CTDSPL2: variants seen among roughly 807,000 people sequenced by gnomAD.
CTDSPL2 encodes the protein CTD small phosphatase-like protein 2.
A neutral mutation model predicts 60.0 loss-of-function variants in CTDSPL2; 5 were observed. That is an observed-to-expected ratio of 0.08 (90% CI 0.04 to 0.18). The LOEUF (loss-of-function observed/expected upper bound fraction) is 0.18, where lower values mean the gene tolerates loss of function less well. CTDSPL2 is among the 10% of genes least tolerant of loss of function. CTDSPL2 has a pLI of 1.00. For synonymous variants in CTDSPL2, 186 were observed against 189.3 expected (o/e 0.98, Z 0.14); for missense variants, 370 against 548.8 (o/e 0.67, Z 3.26).
chr15:44,431,122 C>A (rs1487883166), intron 1 of CTDSPL2, among the ~76,000 whole-genome samples: 1 of 150,642 alleles, frequency 6.6e-6, no homozygotes, highest in Admixed American at 6.6e-5. Flanking sequence ...GCATCTGGCC[C>A]ACTTTTTTTT....
rs2079967391 is a variant in CTDSPL2, at chr15:44,435,745, T to C, written c.-25+7973T>C. 1.3e-5 allele frequency among the ~76,000 whole-genome samples: 2 copies of C among 151,732 alleles called. 1 individual carries two copies. The highest frequency in any genetic ancestry group is 4.2e-4 in the South Asian group (2 of 4,812). On this transcript the variant is annotated intron_variant, in intron 1 of 12. Transcript: ENST00000260327. ...CCTCAGCCTCTTGAGTAGCTGGGAT[T>C]ACAGGTGTGCACCACCACGCCTGGC...
chr15:44,444,735 T>C (rs1023686154), intron 1 of CTDSPL2, among the ~76,000 whole-genome samples: 8 of 151,324 alleles, frequency 5.3e-5, no homozygotes, highest in African/African-American at 1.9e-4. Flanking sequence ...TAAGTAGTTT[T>C]TTTTTTTTTT....
chr15:44,501,415 G>A (rs886889292), intron 8 of CTDSPL2, among the ~76,000 whole-genome samples: 23 of 151,824 alleles, frequency 1.5e-4, no homozygotes, highest in African/African-American at 5.3e-4. Context: ...TTTCATGAGC[G>A]TTTCTCTTCA....
chr15:44,499,634 G>T (rs2081356239), intron 7 of CTDSPL2, 93 bp from the exon 8 acceptor site: 1 of 699,506 alleles, frequency 1.4e-6, no homozygotes, highest in Non-Finnish European at 2.4e-6. Context: ...CATATGAATG[G>T]GTGCTTTAGT....
At chr15:44,514,689 T>C (rs2081620398) in intron 9 of CTDSPL2, 29 bp downstream of exon 9, 2 of 1,553,206 alleles carry the variant, frequency 1.3e-6, no homozygotes, top group South Asian at 1.1e-5. Context: ...ATTACATATG[T>C]ATTTTTATTT....
intron 5 of CTDSPL2, among the ~76,000 whole-genome samples, chr15:44,493,989 TTAATACA>T (rs995968671): frequency 6.6e-6 from 1 of 152,160 alleles, no homozygotes; most frequent in African/African-American, 2.4e-5. Flanking sequence ...TCAAAAGGTG[TTAATACA>T]TGATAATTGC....
chr15:44,462,640 A>G (rs1595721794), intron 2 of CTDSPL2, among the ~76,000 whole-genome samples: 1 of 150,102 alleles, frequency 6.7e-6, no homozygotes, highest in Admixed American at 6.6e-5. Flanking sequence ...CTAACAGGCC[A>G]TGGACTGGTA....
At chr15:44,453,346 T>A (rs1022244914) in intron 1 of CTDSPL2, among the ~76,000 whole-genome samples, 14 of 152,208 alleles carry the variant, frequency 9.2e-5, no homozygotes, top group African/African-American at 3.1e-4. Context: ...ATTTTTAATA[T>A]GAAAGGGTGT....
At chr15:44,435,184 G>C (rs541937852) in intron 1 of CTDSPL2, among the ~76,000 whole-genome samples, 1 of 150,660 alleles carries the variant, frequency 6.6e-6, no homozygotes, top group Non-Finnish European at 1.5e-5. Context: ...ATGAACCCGG[G>C]AGGCAGAGGT....
intron 5 of CTDSPL2, among the ~76,000 whole-genome samples, chr15:44,494,459 T>A (rs954119278): frequency 2.6e-5 from 4 of 151,690 alleles, no homozygotes; most frequent in Admixed American, 6.6e-5. Flanking sequence ...AAAAAATTTT[T>A]AAAAATAATC....
At chr15:44,521,755 G>A (rs1214530315) in intron 12 of CTDSPL2, among the ~76,000 whole-genome samples, 1 of 151,404 alleles carries the variant, frequency 6.6e-6, no homozygotes, top group East Asian at 1.9e-4. Context: ...TGGCTAACAC[G>A]GTGAAACCCC....
intron 2 of CTDSPL2, among the ~76,000 whole-genome samples, chr15:44,481,688 C>G (rs1449380617): frequency 6.6e-6 from 1 of 152,132 alleles, no homozygotes; most frequent in African/African-American, 2.4e-5. Flanking sequence ...ATTCTTCTGC[C>G]TCAGCCTCCC....
At chr15:44,491,095 A>G in intron 5 of CTDSPL2, 96 bp downstream of exon 5, 2 of 860,762 alleles carry the variant, frequency 2.3e-6, no homozygotes, top group East Asian at 5.3e-5. Context: ...TTATATGCAT[A>G]GGTTTTTCTT....
chr15:44,515,579 G>A (rs2081635553), intron 10 of CTDSPL2, among the ~76,000 whole-genome samples: 1 of 152,116 alleles, frequency 6.6e-6, no homozygotes, highest in Non-Finnish European at 1.5e-5. Flanking sequence ...GCTCATAAAA[G>A]CTTTAATAGG....
chr15:44,521,129 T>A, intron 11 of CTDSPL2, 182 bp from the exon 12 acceptor site: 1 of 347,778 alleles, frequency 2.9e-6, no homozygotes, highest in South Asian at 6.9e-5. Flanking sequence ...AGGCTTCAAT[T>A]TATTTCCTTA....
intron 2 of CTDSPL2, among the ~76,000 whole-genome samples, chr15:44,478,710 G>C (rs1469226176): frequency 3.3e-5 from 5 of 152,024 alleles, no homozygotes; most frequent in Non-Finnish European, 7.3e-5. Context: ...CCTGGGGCTT[G>C]GTGGCTCAGG....
chr15:44,469,553 G>A (rs367930016), intron 2 of CTDSPL2, among the ~76,000 whole-genome samples: 1 of 151,376 alleles, frequency 6.6e-6, no homozygotes, highest in Non-Finnish European at 1.5e-5. Flanking sequence ...TTTGACCCAT[G>A]GATTATTCAT....
intron 1 of CTDSPL2, among the ~76,000 whole-genome samples, chr15:44,440,700 C>T (rs1391007468): frequency 6.6e-6 from 1 of 151,750 alleles, no homozygotes; most frequent in Non-Finnish European, 1.5e-5. Context: ...CTGTTGAATG[C>T]TTTGCCTCTT....
At chr15:44,517,724 A>G (rs540982525) in intron 10 of CTDSPL2, among the ~76,000 whole-genome samples, 18 of 152,376 alleles carry the variant, frequency 1.2e-4, no homozygotes, top group South Asian at 2.1e-4. Context: ...TCCTGTCTCA[A>G]TGAGTTTGCC....
Sources: allele counts gnomAD v4.1 joint callset (sites outside exome capture counted in the v4.1 genomes callset), GRCh38; gene constraint gnomAD v4.1.1; transcripts MANE v1.5; gene names NCBI Gene and HGNC (gene_info 2026-07-23, HGNC 2026-07-21).